The following FOXO3 variants were observed in gnomAD, a reference collection of about 807,000 sequenced individuals.
The protein encoded by FOXO3 is forkhead box protein O3.
FOXO3 carries 4 observed loss-of-function variants against 41.9 expected under a neutral mutation model. The observed-to-expected ratio is 0.10, with a 90% CI of 0.05 to 0.22. FOXO3 has a LOEUF of 0.22. Ranked by LOEUF, FOXO3 falls within the 10% of genes least tolerant of loss-of-function variation. The probability of loss-of-function intolerance (pLI) is 1.00; values close to 1 mark genes in which losing one functional copy is unlikely to be tolerated. For missense variants in FOXO3, 534 were observed against 906.8 expected (o/e 0.59, Z 5.28); for synonymous variants, 318 against 389.3 (o/e 0.82, Z 2.16).
At chr6:108,644,411 C>T (rs1469367695) in intron 1 of FOXO3, among the ~76,000 whole-genome samples, 1 of 152,184 alleles carries the variant, frequency 6.6e-6, no homozygotes, top group African/African-American at 2.4e-5. Flanking sequence ...CCTACCACTC[C>T]TTTGATACTG....
chr6:108,667,926 C>A (rs1779108245), intron 2 of FOXO3, among the ~76,000 whole-genome samples: 1 of 152,154 alleles, frequency 6.6e-6, no homozygotes, highest in Non-Finnish European at 1.5e-5. Context: ...TGCTTAGAAT[C>A]CATTGTTCTT....
chr6:108,563,887 G>A (rs1294602040), intron 1 of FOXO3, among the ~76,000 whole-genome samples: 1 of 151,644 alleles, frequency 6.6e-6, no homozygotes, highest in Non-Finnish European at 1.5e-5. Context: ...TAGTTTGTAG[G>A]ACTTGCAATA....
intron 1 of FOXO3, among the ~76,000 whole-genome samples, chr6:108,617,064 A>G (rs1208701475): frequency 6.6e-6 from 1 of 152,198 alleles, no homozygotes; most frequent in African/African-American, 2.4e-5. Flanking sequence ...GTTTTTAGCT[A>G]TTATGAATAA....
At chr6:108,588,341 T>C (rs1244140065) in intron 1 of FOXO3, among the ~76,000 whole-genome samples, 1 of 152,200 alleles carries the variant, frequency 6.6e-6, no homozygotes, top group Non-Finnish European at 1.5e-5. Context: ...TATTTTTTTT[T>C]TCTCAAAGCT....
chr6:108,573,288 A>AAAAT (rs902686817), intron 1 of FOXO3, among the ~76,000 whole-genome samples: 1 of 151,760 alleles, frequency 6.6e-6, no homozygotes, highest in Non-Finnish European at 1.5e-5. Context: ...CTCTGTCTCA[A>AAAAT]AAATAAATAA....
chr6:108,638,868 C>G lies in FOXO3; in HGVS notation c.622-24587C>G, dbSNP rs1180469815. Among the ~76,000 whole-genome samples the G allele has an allele frequency of 2.0e-5, 3 of 152,188 alleles. No homozygotes were observed. The South Asian group carries it at 6.2e-4, about 31-fold the overall frequency. The stretch of plus-strand genomic sequence containing the variant: ...TTGGAAAAAGTGAATGGTGATTTCT[C>G]TCATCCTCAAGTTATTCCTGAAGTT... On this transcript the variant is annotated intron_variant, in intron 1 of 2. Transcript: ENST00000406360.
rs148047961 is a variant in FOXO3 at position 108,586,451 on chromosome 6, C to A, written c.621+24622C>A. On this transcript the variant is annotated intron_variant, in intron 1 of 2. Coordinates refer to ENST00000406360, the MANE Select transcript of FOXO3 (RefSeq NM_001455.4). ...GAGCCAGTCCATTAGTTTCAGTGTA[C>A]CTTCCTCAGTGATGTATCTATGTTC... 9.9e-4 allele frequency among the ~76,000 whole-genome samples: 151 copies of A among 152,202 alleles called. 1 individual carries two copies. The highest frequency in any genetic ancestry group is 3.4e-3 in the African/African-American group (141 of 41,526).
chr6:108,589,991 AAG>A (rs1218104342), intron 1 of FOXO3, among the ~76,000 whole-genome samples: 3 of 152,210 alleles, frequency 2.0e-5, no homozygotes, highest in African/African-American at 7.2e-5. Context: ...TATGGGTATT[AAG>A]AGAGTTATTC....
chr6:108,570,265 C>A (rs1386642007), intron 1 of FOXO3, among the ~76,000 whole-genome samples: 1 of 152,102 alleles, frequency 6.6e-6, no homozygotes, highest in Non-Finnish European at 1.5e-5. Context: ...TCCCAAAGTG[C>A]TGGGATTACA....
At chr6:108,608,507 C>G (rs1442413843) in intron 1 of FOXO3, among the ~76,000 whole-genome samples, 1 of 152,114 alleles carries the variant, frequency 6.6e-6, no homozygotes, top group African/African-American at 2.4e-5. Flanking sequence ...AAAAAAACAA[C>G]TACTCTTTTC....
chr6:108,616,038 A>G (rs1463433768), intron 1 of FOXO3, among the ~76,000 whole-genome samples: 1 of 150,284 alleles, frequency 6.7e-6, no homozygotes, highest in African/African-American at 2.5e-5. Flanking sequence ...CCCAGGCTGG[A>G]GTGCAATGGC....
At chr6:108,575,698 A>G (rs113545552) in intron 1 of FOXO3, among the ~76,000 whole-genome samples, 12 of 152,152 alleles carry the variant, frequency 7.9e-5, no homozygotes, top group African/African-American at 2.9e-4. Context: ...TTGTTTTTGC[A>G]GTAGAAAAAC....
chr6:108,660,341 A>G (rs1280904929), intron 1 of FOXO3, among the ~76,000 whole-genome samples: 2 of 152,204 alleles, frequency 1.3e-5, no homozygotes, highest in Non-Finnish European at 2.9e-5. Context: ...TATTCTTTTT[A>G]AAAACCGTAA....
At chr6:108,604,604 G>A (rs896231321) in intron 1 of FOXO3, among the ~76,000 whole-genome samples, 7 of 152,160 alleles carry the variant, frequency 4.6e-5, no homozygotes, top group Non-Finnish European at 8.8e-5. Flanking sequence ...AAGTGTTACA[G>A]TGTTAGAGTC....
Position 108,590,694 on chromosome 6 carries a change from A to G in FOXO3, c.621+28865A>G, listed in dbSNP as rs376001642. Among the ~76,000 whole-genome samples the G allele has an allele frequency of 5.9e-5, 9 of 152,366 alleles. No homozygotes were observed. The South Asian group carries it at 1.9e-3, about 32-fold the overall frequency. ...AGGAAAGAAAAGAAGTAATGGATAG[A>G]CAAAAGAAAAGTACTTATTTAGAGT... On this transcript the variant is annotated intron_variant, in intron 1 of 2. Coordinates refer to ENST00000406360, the MANE Select transcript of FOXO3 (RefSeq NM_001455.4).
chr6:108,634,479 G>A (rs1484064636), intron 1 of FOXO3, among the ~76,000 whole-genome samples: 1 of 152,144 alleles, frequency 6.6e-6, no homozygotes, highest in Non-Finnish European at 1.5e-5. Context: ...ACTACAGCTG[G>A]CATTCCTCTT....
intron 1 of FOXO3, among the ~76,000 whole-genome samples, chr6:108,622,116 GGGTGT>G (rs1435011445): frequency 6.6e-6 from 1 of 152,050 alleles, no homozygotes; most frequent in African/African-American, 2.4e-5. Context: ...AAAATTAGCT[GGGTGT>G]GGTGGCGCAT....
chr6:108,603,778 C>T (rs760295038), intron 1 of FOXO3, among the ~76,000 whole-genome samples: 10 of 152,118 alleles, frequency 6.6e-5, no homozygotes, highest in Non-Finnish European at 1.2e-4. Flanking sequence ...GGTGTGCCAT[C>T]ATTTCCTTGA....
intron 1 of FOXO3, among the ~76,000 whole-genome samples, chr6:108,593,239 A>G (rs1691576823): frequency 6.6e-6 from 1 of 152,284 alleles, no homozygotes; most frequent in Non-Finnish European, 1.5e-5. Context: ...TAGGGTGTGC[A>G]GATATTTTAG....
Sources: allele counts gnomAD v4.1 joint callset (sites outside exome capture counted in the v4.1 genomes callset), GRCh38; gene constraint gnomAD v4.1.1; transcripts MANE v1.5; gene names NCBI Gene and HGNC (gene_info 2026-07-23, HGNC 2026-07-21).